The following ACSBG1 variants were observed in gnomAD, a reference collection of about 807,000 sequenced individuals.
ACSBG1 encodes acyl-CoA synthetase bubblegum family member 1.
A neutral mutation model predicts 80.2 loss-of-function variants in ACSBG1; 39 were observed. The observed-to-expected ratio is 0.49, with a 90% CI of 0.38 to 0.64. The LOEUF is 0.64. ACSBG1 is among the 30% of genes least tolerant of loss of function. The probability of loss-of-function intolerance (pLI) is 0.00; values close to 1 mark genes in which losing one functional copy is unlikely to be tolerated. For synonymous variants in ACSBG1, 392 were observed against 379.5 expected (o/e 1.03, Z -0.38); for missense variants, 828 against 966.4 (o/e 0.86, Z 1.90).
rs551634784 is a variant in ACSBG1 at position 78,229,985 on chromosome 15, G to A, written c.131+4386C>T. Among the ~76,000 whole-genome samples, 10 of 152,234 alleles carry A rather than the reference G, an allele frequency of 6.6e-5. No individual in the cohort carries two copies. The East Asian group carries it at 1.4e-3, about 21-fold the overall frequency. ...CAGCACAGCGCCCTGCTTGCCATCC[G>A]GGCATCCACAGCCTTTCAAACACAG... On this transcript the variant is annotated intron_variant, in intron 1 of 13. Transcript: ENST00000258873.
chr15:78,172,619 C>T lies in ACSBG1; in HGVS notation c.2089+974G>A, dbSNP rs1039171135. Among the ~76,000 whole-genome samples, 1 of 152,188 alleles carries T rather than the reference C, an allele frequency of 6.6e-6. No individual in the cohort carries two copies. The highest frequency in any genetic ancestry group is 1.5e-5 in the Non-Finnish European group (1 of 68,036). ...GACATCTTCTGTCTCTCTGACCTTG[C>T]GTTCAATATGCTGGCAGCAGACAGC... On this transcript the variant is annotated intron_variant, in intron 13 of 13. Coordinates refer to ENST00000258873, the MANE Select transcript of ACSBG1 (RefSeq NM_015162.5). This position sits in a 1 kb window ranked among gnomAD's most constrained non-coding sequence, Gnocchi z 4.1.
chr15:78,221,694 A>T (rs989494639), intron 1 of ACSBG1, among the ~76,000 whole-genome samples: 4 of 151,986 alleles, frequency 2.6e-5, no homozygotes, highest in African/African-American at 7.3e-5. Flanking sequence ...CAGTGGGGGG[A>T]AACTTTGGAC....
At chr15:78,193,416 T>G in intron 5 of ACSBG1, 90 bp downstream of exon 5, 4 of 1,520,502 alleles carry the variant, frequency 2.6e-6, no homozygotes, top group South Asian at 1.3e-5. Flanking sequence ...ACACTCTGGA[T>G]GGAGGGCGGG....
chr15:78,207,917 T>TCCCCCCCACCCCCCCCCCCA, intron 2 of ACSBG1, 85 bp downstream of exon 2: 4 of 876,064 alleles, frequency 4.6e-6, no homozygotes, highest in African/African-American at 1.7e-5. Flanking sequence ...TGTGTGGTGG[T>TCCCCCCCACCCCCCCCCCCA]CCCCCACACC....
At chr15:78,199,324 A>T (rs1266211527) in intron 2 of ACSBG1, among the ~76,000 whole-genome samples, 2 of 151,754 alleles carry the variant, frequency 1.3e-5, no homozygotes, top group Middle Eastern at 3.2e-3. Context: ...AGTTCAAACG[A>T]TCCTCCAGCC....
At chr15:78,175,887 C>G (rs144811042) in intron 11 of ACSBG1, among the ~76,000 whole-genome samples, 1 of 152,214 alleles carries the variant, frequency 6.6e-6, no homozygotes, top group African/African-American at 2.4e-5. Flanking sequence ...TATGCCTCAT[C>G]ATTGCTACCT....
At chr15:78,189,371 C>T (rs1258918960) in intron 5 of ACSBG1, among the ~76,000 whole-genome samples, 6 of 151,362 alleles carry the variant, frequency 4.0e-5, no homozygotes, top group Non-Finnish European at 7.4e-5. Flanking sequence ...CACATGCACA[C>T]GTATGTTTAT....
intron 2 of ACSBG1, among the ~76,000 whole-genome samples, chr15:78,201,340 T>C (rs1462559194): frequency 1.3e-5 from 2 of 152,002 alleles, no homozygotes; most frequent in African/African-American, 4.8e-5. Flanking sequence ...CCTTCATCTC[T>C]CCCCCACCTC....
intron 8 of ACSBG1, among the ~76,000 whole-genome samples, chr15:78,181,293 G>A (rs1401747284): frequency 3.3e-5 from 5 of 152,086 alleles, no homozygotes; most frequent in African/African-American, 1.2e-4. Context: ...CTGGTGGAGG[G>A]AAACTTGCTG....
In ACSBG1 at chr15:78,178,883, C is replaced by T. The variant is rs1439657639; in HGVS notation, c.1485-52G>A. The T allele has an allele frequency of 6.5e-7, 1 of 1,537,020 alleles. No individual in the cohort carries two copies. Among genetic ancestry groups the T allele is most frequent in the East Asian group, 2.4e-5 (1 of 41,750 alleles). On this transcript the variant is annotated intron_variant, in intron 10 of 13. Transcript: ENST00000258873. This position sits in a 1 kb window ranked among gnomAD's most constrained non-coding sequence, Gnocchi z 4.3. Reference sequence around the variant, plus strand: ...GTCAGAGGGAGCCGTCTCCTCCAAGCCCCCACTGGGGAGCCGGGGTCCCAA... The same window carrying T: ...GTCAGAGGGAGCCGTCTCCTCCAAGTCCCCACTGGGGAGCCGGGGTCCCAA...
rs773946281 is a variant in ACSBG1, at chr15:78,193,999, T to C, written c.475A>G (p.Ser159Gly). ...FLKLGLKQAHSVAILGFNSPE... is the reference protein window; with the variant it reads ...FLKLGLKQAHGVAILGFNSPE... Reference sequence around the variant, plus strand: ...GAGTTGAAGCCGAGGATGGCCACACTGTGGGCCTGCTTCAGGCCGAGCTCC... The same window carrying C: ...GAGTTGAAGCCGAGGATGGCCACACCGTGGGCCTGCTTCAGGCCGAGCTCC... The change falls in exon 4 of 14, where the codon AGT becomes GGT. Residue 159 changes from serine to glycine, a missense_variant. By Grantham distance (56) the Ser-to-Gly change is moderately conservative. This residue lies in a region of ACSBG1 where 356 missense variants were observed against 363.5 expected (regional missense o/e 0.98). Transcript: ENST00000258873. 1 of 1,613,842 alleles carries C rather than the reference T, an allele frequency of 6.2e-7. No individual in the cohort carries two copies. Among genetic ancestry groups the C allele is most frequent in the South Asian group, 1.1e-5 (1 of 91,074 alleles).
chr15:78,182,434 A>ACC lies in ACSBG1; in HGVS notation c.894+30_894+31dup, dbSNP rs66983917. On this transcript the variant is annotated intron_variant, in intron 7 of 13. Transcript: ENST00000258873. ...CCAGATCCACCCATAACCCCCTTGC[A>ACC]CCCCCCCCACCCCACCGGGCATCTG... The ACC allele has an allele frequency of 1.9e-6, 3 of 1,603,646 alleles. No individual in the cohort carries two copies. In the East Asian group the frequency reaches 6.8e-5, roughly 36 times the overall value.
intron 2 of ACSBG1, among the ~76,000 whole-genome samples, chr15:78,200,963 C>T (rs915708177): frequency 6.6e-6 from 1 of 152,234 alleles, no homozygotes; most frequent in African/African-American, 2.4e-5. Flanking sequence ...CCAACCTGAA[C>T]TGCTCCCAGT....
intron 1 of ACSBG1, among the ~76,000 whole-genome samples, chr15:78,213,030 T>G (rs6495282): frequency 0.071 from 10,833 of 152,020 alleles, 956 homozygotes; most frequent in African/African-American, 0.2. Flanking sequence ...GTAGTTCCCA[T>G]CTCTCTCTGC....
rs1272640248 is a variant in ACSBG1, at chr15:78,177,931, T to G, written c.1702+683A>C. Among the ~76,000 whole-genome samples, 9 of 152,212 alleles carry G rather than the reference T, an allele frequency of 5.9e-5. No homozygotes were observed. Among genetic ancestry groups the G allele is most frequent in the Non-Finnish European group, 1.0e-4 (7 of 68,034 alleles). On this transcript the variant is annotated intron_variant, in intron 11 of 13. Transcript: ENST00000258873. This position sits in a 1 kb window ranked among gnomAD's most constrained non-coding sequence, Gnocchi z 4.1. Reference sequence around the variant, plus strand: ...GTGGGAAGTTTGTCTTATTTTAAATTTTATATCCAATTTGCATTCTATTCC... The same window carrying G: ...GTGGGAAGTTTGTCTTATTTTAAATGTTATATCCAATTTGCATTCTATTCC...
At chr15:78,173,344 C>CAAAAAAAAAAAAAAAAAAA in intron 13 of ACSBG1, among the ~76,000 whole-genome samples, 1 of 75,226 alleles carries the variant, frequency 1.3e-5, no homozygotes, top group Non-Finnish European at 2.3e-5. Context: ...GACTCCATCT[C>CAAAAAAAAAAAAAAAAAAA]AAAAAAAAAA....
In ACSBG1 at chr15:78,172,133, G is replaced by C. The variant is rs1388612680; in HGVS notation, c.2090-604C>G. 6.6e-6 allele frequency among the ~76,000 whole-genome samples: 1 copy of C among 152,232 alleles called. No homozygotes were observed. The highest frequency in any genetic ancestry group is 1.9e-4 in the East Asian group (1 of 5,194). On this transcript the variant is annotated intron_variant, in intron 13 of 13. Coordinates refer to ENST00000258873, the MANE Select transcript of ACSBG1 (RefSeq NM_015162.5). The surrounding 1 kb of genome is among the most constrained non-coding windows in gnomAD (Gnocchi z 4.1). ...GTGAGCGCGGAGGTGAGCCTCAGCT[G>C]CAAGTGACTGCACCCAGCTCACATT...
rs56078523 is a variant in ACSBG1 at position 78,215,724 on chromosome 15, GAGAAAGAAAGAAAGAAAGAAAGAAAGAA to G, written c.132-7650_132-7623del. Among the ~76,000 whole-genome samples, 263 of 116,636 alleles carry G rather than the reference GAGAAAGAAAGAAAGAAAGAAAGAAAGAA, an allele frequency of 2.3e-3. 8 individuals are homozygous for G. In the East Asian group the frequency reaches 0.051, roughly 22 times the overall value. The allele number at this position is 116,636 out of a possible 152,430, so 76.5% of individuals were successfully genotyped here. On this transcript the variant is annotated intron_variant, in intron 1 of 13. Coordinates refer to ENST00000258873, the MANE Select transcript of ACSBG1 (RefSeq NM_015162.5). ...AGAAGGAAAGAGAGAAAGAAAGAAA[GAGAAAGAAAGAAAGAAAGAAAGAAAGAA>G]AGAAAGAAAGAAAGAAAGAAAGAAA... is the stretch of plus-strand genomic sequence containing the variant.
At chr15:78,193,661 G>A (rs1433222076) in intron 4 of ACSBG1, 35 bp from the exon 5 acceptor site, 1 of 1,593,320 alleles carries the variant, frequency 6.3e-7, no homozygotes, top group Non-Finnish European at 8.6e-7. Context: ...CCTTAGGGGA[G>A]GTGCAGAGGG....
Sources: allele counts gnomAD v4.1 joint callset (sites outside exome capture counted in the v4.1 genomes callset), GRCh38; gene constraint gnomAD v4.1.1; regional missense constraint gnomAD v4.1.1; non-coding constraint Gnocchi (gnomAD v3.1); transcripts MANE v1.5; gene names NCBI Gene and HGNC (gene_info 2026-07-23, HGNC 2026-07-21).